Variants in BRCA2 observed in about 807,000 individuals in gnomAD.
BRCA2 encodes the protein breast cancer type 2 susceptibility protein.
In BRCA2, 203 loss-of-function variants were observed where a neutral mutation model predicts 276.7. The ratio of observed to expected loss-of-function variants is 0.73; its 90% CI spans 0.65 to 0.82. BRCA2 has a LOEUF of 0.82. Ranked by LOEUF, BRCA2 falls within the 40% of genes least tolerant of loss-of-function variation. The probability of loss-of-function intolerance (pLI) is 0.00; values close to 1 mark genes in which losing one functional copy is unlikely to be tolerated. For synonymous variants in BRCA2, 1,289 were observed against 1,338.4 expected (o/e 0.96, Z 0.81); for missense variants, 3,920 against 3,915.0 (o/e 1.00, Z -0.03).
At position 32,319,215 on chromosome 13, in the gene BRCA2, CATCTTATA is replaced by C. The variant is rs1566215885; in HGVS notation, c.210_217del (p.Tyr71AlafsTer27). The C allele has an allele frequency of 6.2e-7, 1 of 1,613,752 alleles. No homozygotes were observed. Among genetic ancestry groups the C allele is most frequent in the South Asian group, 1.1e-5 (1 of 91,076 alleles). On this transcript the variant is annotated frameshift_variant, in exon 3 of 27. Coordinates refer to ENST00000380152, the MANE Select transcript of BRCA2 (RefSeq NM_000059.4). LOFTEE classifies it high-confidence loss of function. ...CTATTTAAAACTCCACAAAGGAAAC[CATCTTATA>C]ATCAGCTGGCTTCAACTCCAATAAT...
rs11571603 is a variant in BRCA2, at chr13:32,323,396, G to A, written c.317-1680G>A. On this transcript the variant is annotated intron_variant, in intron 3 of 26. Transcript: ENST00000380152. The stretch of plus-strand genomic sequence containing the variant: ...TCTTGATCTCCTGACCTCGTGATCC[G>A]CTCGCCTCGGCCTCCCAAAGTGCTG... Among the ~76,000 whole-genome samples the A allele has an allele frequency of 5.9e-3, 895 of 152,084 alleles. 9 individuals carry two copies. Among genetic ancestry groups the A allele is most frequent in the African/African-American group, 0.021 (862 of 41,500 alleles).
rs1593891461 is a variant in BRCA2, at chr13:32,332,388, G to C, written c.910G>C (p.Glu304Gln). The C allele has an allele frequency of 4.4e-6, 7 of 1,592,042 alleles. No individual in the cohort carries two copies. Among genetic ancestry groups the C allele is most frequent in the Non-Finnish European group, 6.0e-6 (7 of 1,169,340 alleles). The change falls in exon 10 of 27, where the codon GAA becomes CAA. Residue 304 changes from glutamate to glutamine, a missense_variant. Around this residue, in one of 2 missense-constraint regions of BRCA2, gnomAD observed 3,263 missense variants for 3,156.9 expected, o/e 1.03. Coordinates refer to ENST00000380152, the MANE Select transcript of BRCA2 (RefSeq NM_000059.4). ...ATATGAAACAGTTGTAGATACCTCT[G>C]AAGAAGATAGTTTTTCATTATGTTT... ...EVYETVVDTS[E>Q]EDSFSLCFSK...
intron 24 of BRCA2, chr13:32,385,110 G>A: frequency 4.0e-6 from 1 of 249,204 alleles, no homozygotes. Flanking sequence ...GGGCCTTGCT[G>A]GAATGTGGAG....
chr13:32,323,214 G>A (rs1231204212), intron 3 of BRCA2, among the ~76,000 whole-genome samples: 6 of 150,072 alleles, frequency 4.0e-5, no homozygotes, highest in Admixed American at 2.7e-4. Context: ...GTGCAGTGGC[G>A]TGATCTTGGC....
chr13:32,346,982 CACTA>C (rs2072616282), intron 13 of BRCA2, 86 bp downstream of exon 13: 2 of 1,043,402 alleles, frequency 1.9e-6, no homozygotes, highest in Non-Finnish European at 2.8e-6. Context: ...AAAATAATGA[CACTA>C]ACGTTAAGAA....
intron 18 of BRCA2, among the ~76,000 whole-genome samples, chr13:32,368,808 TGG>T (rs1445617839): frequency 1.7e-3 from 200 of 116,632 alleles, no homozygotes; most frequent in Admixed American, 5.0e-3. Context: ...GTTTTTTTTT[TGG>T]TTTTTTTTGT....
rs187936850 is a variant in BRCA2 at position 32,369,817 on chromosome 13, G to A, written c.8332-585G>A. Among the ~76,000 whole-genome samples the A allele has an allele frequency of 4.2e-3, 632 of 152,144 alleles. 1 individual carries two copies. Among genetic ancestry groups the A allele is most frequent in the Non-Finnish European group, 7.5e-3 (509 of 67,980 alleles). Reference sequence around the variant, plus strand: ...TCGAACTCCTGACCTCAGGTGATACGCCTGCCTCGGCCTCCCAAAGTGTTG... The same window carrying A: ...TCGAACTCCTGACCTCAGGTGATACACCTGCCTCGGCCTCCCAAAGTGTTG... On this transcript the variant is annotated intron_variant, in intron 18 of 26. Transcript: ENST00000380152.
In BRCA2 at chr13:32,333,294, C is replaced by T. The variant is rs765924757; in HGVS notation, c.1816C>T (p.Pro606Ser). Residue 606 changes from proline (P) to serine (S), a missense_variant, in exon 10 of 27, where the codon CCG becomes TCG. Pro to Ser is a moderately conservative substitution (Grantham distance 74). Coordinates refer to ENST00000380152, the MANE Select transcript of BRCA2 (RefSeq NM_000059.4). ...DETSYKGKKIPKDQKSELINC... is the reference protein window; with the variant it reads ...DETSYKGKKISKDQKSELINC... Reference sequence around the variant, plus strand: ...AACATCTTATAAAGGAAAAAAAATACCGAAAGACCAAAAATCAGAACTAAT... The same window carrying T: ...AACATCTTATAAAGGAAAAAAAATATCGAAAGACCAAAAATCAGAACTAAT... 2 of 1,605,136 alleles carry T rather than the reference C, an allele frequency of 1.2e-6. No homozygotes were observed. Among genetic ancestry groups the T allele is most frequent in the African/African-American group, 1.3e-5 (1 of 74,210 alleles).
chr13:32,364,915 T>C (rs2072770262), intron 18 of BRCA2, among the ~76,000 whole-genome samples: 1 of 152,278 alleles, frequency 6.6e-6, no homozygotes, highest in East Asian at 1.9e-4. Context: ...CATGTCATCT[T>C]TCTAGAGTTT....
At chr13:32,347,917 T>C (rs1034317171) in intron 13 of BRCA2, among the ~76,000 whole-genome samples, 3 of 152,154 alleles carry the variant, frequency 2.0e-5, no homozygotes, top group African/African-American at 7.2e-5. Flanking sequence ...TAGTCAAAGA[T>C]AACTAGTCAT....
Position 32,340,888 on chromosome 13 carries a change from A to G in BRCA2, c.6533A>G (p.His2178Arg), listed in dbSNP as rs2137528396. 2 of 1,606,320 alleles carry G rather than the reference A, an allele frequency of 1.2e-6. No individual in the cohort carries two copies. The highest frequency in any genetic ancestry group is 1.7e-6 in the Non-Finnish European group (2 of 1,178,120). Residue 2178 changes from histidine to arginine, a missense_variant, in exon 11 of 27, where the codon CAT becomes CGT. Around this residue, in one of 2 missense-constraint regions of BRCA2, gnomAD observed 3,263 missense variants for 3,156.9 expected, o/e 1.03. Coordinates refer to ENST00000380152, the MANE Select transcript of BRCA2 (RefSeq NM_000059.4). ...GTKVSLVENI[H>R]VLGKEQASPK... ...AAAGTGTCACTTGTTGAGAACATTC[A>G]TGTTTTGGGAAAAGAACAGGCTTCA... is the stretch of plus-strand genomic sequence containing the variant.
intron 16 of BRCA2, among the ~76,000 whole-genome samples, chr13:32,358,423 C>G (rs1045549583): frequency 2.7e-5 from 4 of 150,912 alleles, no homozygotes; most frequent in Non-Finnish European, 5.9e-5. Flanking sequence ...TTGCAGTGAG[C>G]CAAGATTGAG....
chr13:32,372,658 G>A (rs928499962), intron 20 of BRCA2, among the ~76,000 whole-genome samples: 5 of 152,144 alleles, frequency 3.3e-5, no homozygotes, highest in Admixed American at 6.5e-5. Context: ...GATTTGGGTA[G>A]GGACACAGAG....
chr13:32,389,742 T>C (rs756136881), intron 24 of BRCA2, among the ~76,000 whole-genome samples: 31 of 152,232 alleles, frequency 2.0e-4, no homozygotes, highest in South Asian at 6.2e-4. Flanking sequence ...TGTTTCCAGA[T>C]AAGGCTGCAT....
intron 16 of BRCA2, 68 bp from the exon 17 acceptor site, chr13:32,362,455 T>C (rs1239881528): frequency 7.1e-6 from 10 of 1,417,116 alleles, no homozygotes; most frequent in Non-Finnish European, 8.0e-6. Context: ...CAGAGAATAG[T>C]TGTAGTTGTT....
At chr13:32,394,631 TC>T (rs1471878120) in intron 24 of BRCA2, 57 bp from the exon 25 acceptor site, 1 of 1,566,462 alleles carries the variant, frequency 6.4e-7, no homozygotes, top group Non-Finnish European at 8.7e-7. Context: ...CTTTCTTGCA[TC>T]TTAAAATTCA....
At chr13:32,361,329 C>CT (rs1403715384) in intron 16 of BRCA2, among the ~76,000 whole-genome samples, 33 of 152,246 alleles carry the variant, frequency 2.2e-4, no homozygotes, top group African/African-American at 7.7e-4. Flanking sequence ...GAAGACATTA[C>CT]TAATGTTATT....
chr13:32,334,666 C>T (rs758678719), intron 10 of BRCA2, among the ~76,000 whole-genome samples: 3 of 148,874 alleles, frequency 2.0e-5, no homozygotes, highest in Non-Finnish European at 4.5e-5. Context: ...AAAATGAGAC[C>T]TTGTCCCTGA....
chr13:32,372,574 GA>G (rs2072841757), intron 20 of BRCA2, among the ~76,000 whole-genome samples: 1 of 152,070 alleles, frequency 6.6e-6, no homozygotes, highest in Non-Finnish European at 1.5e-5. Flanking sequence ...TAGCATGGGG[GA>G]AACCACCCCC....
Sources: gnomAD v4.1 joint callset for allele counts (sites outside exome capture counted in the v4.1 genomes callset) on GRCh38, gnomAD v4.1.1 for gene constraint, gnomAD v4.1.1 regional missense constraint, MANE v1.5 for transcripts, NCBI Gene and HGNC (gene_info 2026-07-23, HGNC 2026-07-21) for gene names.